The following GLP2R variants were observed in gnomAD, a reference collection of about 807,000 sequenced individuals.
The protein encoded by GLP2R is glucagon like peptide 2 receptor.
In GLP2R, 59 loss-of-function variants were observed where a neutral mutation model predicts 68.2. The observed-to-expected ratio is 0.87, with a 90% CI of 0.70 to 1.07. The LOEUF (loss-of-function observed/expected upper bound fraction) is 1.07. GLP2R is among the 50% of genes least tolerant of loss of function. The pLI, the probability that GLP2R is intolerant of heterozygous loss-of-function variation, is 0.00. For missense variants in GLP2R, 548 were observed against 677.4 expected (o/e 0.81, Z 2.12); for synonymous variants, 270 against 265.4 (o/e 1.02, Z -0.17).
At chr17:9,871,003 A>G (rs377441945) in intron 10 of GLP2R, among the ~76,000 whole-genome samples, 168 bp downstream of exon 10, 18 of 152,214 alleles carry the variant, frequency 1.2e-4, no homozygotes, top group African/African-American at 4.3e-4. Flanking sequence ...AATGGTGAGG[A>G]CCTTCTATGA....
intron 1 of GLP2R, among the ~76,000 whole-genome samples, chr17:9,833,191 G>A (rs563597036): frequency 5.3e-5 from 8 of 152,148 alleles, no homozygotes; most frequent in African/African-American, 1.9e-4. Context: ...TTGAACCCAG[G>A]AGGCAGAGGT....
intron 1 of GLP2R, among the ~76,000 whole-genome samples, chr17:9,831,938 A>T (rs2152029577): frequency 6.6e-6 from 1 of 152,300 alleles, no homozygotes; most frequent in South Asian, 2.1e-4. Flanking sequence ...TTGGCATCGT[A>T]GGGATGCCAA....
chr17:9,842,375 G>A, intron 3 of GLP2R, 120 bp from the exon 4 acceptor site: 3 of 1,197,398 alleles, frequency 2.5e-6, no homozygotes, highest in Non-Finnish European at 3.5e-6. Flanking sequence ...GGATGTTAAT[G>A]AGCCCCCAAA....
At chr17:9,865,408 G>T (rs2067026338) in intron 9 of GLP2R, among the ~76,000 whole-genome samples, 1 of 151,864 alleles carries the variant, frequency 6.6e-6, no homozygotes, top group African/African-American at 2.4e-5. Flanking sequence ...TCCTCTTGTT[G>T]CAGCCCAAGT....
chr17:9,862,981 G>A (rs1487043246), intron 9 of GLP2R, among the ~76,000 whole-genome samples: 3 of 152,200 alleles, frequency 2.0e-5, no homozygotes, highest in Non-Finnish European at 2.9e-5. Context: ...TCTCTGTTTA[G>A]ACCTGGGTGT....
At chr17:9,845,407 A>G (rs2066828026) in intron 4 of GLP2R, among the ~76,000 whole-genome samples, 1 of 152,174 alleles carries the variant, frequency 6.6e-6, no homozygotes, top group Non-Finnish European at 1.5e-5. Flanking sequence ...TAGAAACACT[A>G]TTCTTGTCAC....
chr17:9,848,634 T>C (rs1008199582), intron 4 of GLP2R, among the ~76,000 whole-genome samples: 1 of 152,002 alleles, frequency 6.6e-6, no homozygotes, highest in Non-Finnish European at 1.5e-5. Context: ...GAGCATTGCC[T>C]CCTCCCCTCT....
Position 9,860,085 on chromosome 17 carries a change from C to A in GLP2R, c.909C>A (p.Tyr303Ter), listed in dbSNP as rs1398084794. The change falls in exon 7 of 13, where the codon TAC (tyrosine) becomes TAA (stop). Residue 303 changes from tyrosine to a stop codon, truncating the protein, a stop_gained. Transcript: ENST00000262441. LOFTEE classifies it high-confidence loss of function. ...CTGAGAGGCGGCTGTGGCCCAGATA[C>A]CTGCTGTTGGGTTGGGGTGAGTGAC... ...VLPERRLWPR[Y>*]LLLGWAFPVL... 6.2e-7 allele frequency: 1 copy of A among 1,607,396 alleles called. No individual in the cohort carries two copies. Among genetic ancestry groups the A allele is most frequent in the Admixed American group, 1.7e-5 (1 of 58,924 alleles).
intron 1 of GLP2R, among the ~76,000 whole-genome samples, chr17:9,827,177 GT>G (rs201953506): frequency 0.17 from 25,937 of 148,340 alleles, 2,931 homozygotes; most frequent in African/African-American, 0.32. Context: ...CCTACATACA[GT>G]TTTTTTTTTT....
chr17:9,856,365 A>T (rs953177800), intron 5 of GLP2R, among the ~76,000 whole-genome samples: 2 of 152,058 alleles, frequency 1.3e-5, no homozygotes, highest in Non-Finnish European at 2.9e-5. Flanking sequence ...CAGTCTAGTT[A>T]GAGAGAAGAA....
At chr17:9,852,056 T>G (rs1015757584) in intron 4 of GLP2R, among the ~76,000 whole-genome samples, 14 of 119,912 alleles carry the variant, frequency 1.2e-4, no homozygotes, top group East Asian at 6.3e-4. Context: ...TTGTTTTTTT[T>G]TTTGTTTTTT....
At position 9,835,806 on chromosome 17, in the gene GLP2R, C is replaced by T. The variant is rs111987736; in HGVS notation, c.278-565C>T. Among the ~76,000 whole-genome samples the T allele has an allele frequency of 5.0e-3, 757 of 151,876 alleles. 4 individuals are homozygous for T. Among genetic ancestry groups the T allele is most frequent in the African/African-American group, 0.017 (694 of 41,418 alleles). On this transcript the variant is annotated intron_variant, in intron 2 of 12. Coordinates refer to ENST00000262441, the MANE Select transcript of GLP2R (RefSeq NM_004246.3). ...CTATAATCCCAGCACTTTGGGAAGCCGAGGTGGGCAGCTAACTTGAAGTCA... is the reference window on the plus strand; with the variant it reads ...CTATAATCCCAGCACTTTGGGAAGCTGAGGTGGGCAGCTAACTTGAAGTCA...
In GLP2R at chr17:9,889,689, AAG is replaced by A; in HGVS notation, c.1651_1652del (p.Ser551Ter). The A allele has an allele frequency of 6.4e-7, 1 of 1,571,208 alleles. No individual in the cohort carries two copies. Among genetic ancestry groups the A allele is most frequent in the Non-Finnish European group, 8.7e-7 (1 of 1,154,966 alleles). The stretch of plus-strand genomic sequence containing the variant: ...GCCAACACCATGGAGGAGATTCTGG[AAG>A]AGAGTGAGATCTAGGGTGGAGTTCC... On this transcript the variant is annotated frameshift_variant, in exon 13 of 13. Transcript: ENST00000262441. LOFTEE classifies it high-confidence loss of function.
intron 4 of GLP2R, 58 bp from the exon 5 acceptor site, chr17:9,854,437 G>A (rs764890323): frequency 6.0e-4 from 603 of 1,008,850 alleles, no homozygotes; most frequent in Non-Finnish European, 8.9e-4. Context: ...GTGGAGCTGG[G>A]GGTTGTGGCC....
intron 4 of GLP2R, among the ~76,000 whole-genome samples, chr17:9,850,992 G>T (rs554118751): frequency 1.3e-5 from 2 of 152,082 alleles, no homozygotes; most frequent in African/African-American, 2.4e-5. Flanking sequence ...ACCATGCCCA[G>T]CTGATTTTTT....
chr17:9,886,720 A>G (rs1017332444), intron 11 of GLP2R, among the ~76,000 whole-genome samples: 6 of 152,166 alleles, frequency 3.9e-5, no homozygotes, highest in Non-Finnish European at 5.9e-5. Context: ...CAGTGTGGAG[A>G]TCCTGGTCTG....
intron 3 of GLP2R, among the ~76,000 whole-genome samples, chr17:9,838,811 A>T (rs1007878666): frequency 6.6e-6 from 1 of 152,240 alleles, no homozygotes; most frequent in Non-Finnish European, 1.5e-5. Flanking sequence ...GTGCAAATGC[A>T]CAGAGTGGAG....
intron 11 of GLP2R, among the ~76,000 whole-genome samples, chr17:9,886,592 G>A (rs79311364): frequency 2.6e-5 from 4 of 152,172 alleles, no homozygotes; most frequent in Non-Finnish European, 4.4e-5. Context: ...AAATGATTAA[G>A]TGATAACAGT....
At position 9,827,031 on chromosome 17, in the gene GLP2R, G is replaced by A. The variant is rs183489304; in HGVS notation, c.189+779G>A. On this transcript the variant is annotated intron_variant, in intron 1 of 12. Transcript: ENST00000262441. ...GGATTACAGGTACGTGCCACCACCC[G>A]GCTAATTTTTGTATTTTAGTAGAGA... Among the ~76,000 whole-genome samples the A allele has an allele frequency of 2.5e-3, 382 of 151,978 alleles. 6 individuals are homozygous for A. In the South Asian group the frequency reaches 0.037, roughly 15 times the overall value.
Sources: allele counts gnomAD v4.1 joint callset (sites outside exome capture counted in the v4.1 genomes callset), GRCh38; gene constraint gnomAD v4.1.1; transcripts MANE v1.5; gene names NCBI Gene and HGNC (gene_info 2026-07-23, HGNC 2026-07-21).